TATDN3: variants seen among roughly 807,000 people sequenced by gnomAD.
TATDN3 encodes the protein TatD DNase domain containing 3.
TATDN3 carries 29 observed loss-of-function variants against 40.1 expected under a neutral mutation model. That is an observed-to-expected ratio of 0.72 (90% CI 0.54 to 0.99). The LOEUF (loss-of-function observed/expected upper bound fraction) is 0.99. Among genes scored for constraint, TATDN3 ranks in the 50% least tolerant of loss-of-function variants. The probability of loss-of-function intolerance (pLI) is 0.00; values close to 1 mark genes in which losing one functional copy is unlikely to be tolerated. For synonymous variants in TATDN3, 105 were observed against 117.0 expected (o/e 0.90, Z 0.66); for missense variants, 309 against 321.9 (o/e 0.96, Z 0.31).
At chr1:212,796,801 A>C in intron 3 of TATDN3, 1 of 482,568 alleles carries the variant, frequency 2.1e-6, no homozygotes, top group Non-Finnish European at 3.7e-6. Flanking sequence ...GCAGTGGCGC[A>C]ATGTTGGCTC....
chr1:212,799,036 A>G (rs973537828), intron 4 of TATDN3, among the ~76,000 whole-genome samples: 3 of 152,246 alleles, frequency 2.0e-5, no homozygotes, highest in African/African-American at 7.2e-5. Flanking sequence ...CCATGCAAAG[A>G]GAGGATCAGG....
intron 6 of TATDN3, 21 bp from the exon 7 acceptor site, chr1:212,804,575 A>G: frequency 6.2e-7 from 1 of 1,609,674 alleles, no homozygotes; most frequent in Non-Finnish European, 8.5e-7. Context: ...ACTTAAAAGA[A>G]ATGTTGTTAT....
Position 212,797,148 on chromosome 1 carries a change from T to C in TATDN3, c.210T>C (p.His70=), listed in dbSNP as rs1309320357. ...NGFVLPCLGV[H]PVQGLPPEDQ... is the part of the protein sequence containing the mutation. Reference sequence around the variant, plus strand: ...TTGTCCTGCCATGCTTGGGTGTTCATCCAGTTCAAGGACTTCCACCAGAAG... The same window carrying C: ...TTGTCCTGCCATGCTTGGGTGTTCACCCAGTTCAAGGACTTCCACCAGAAG... Residue 70 remains histidine (H), a synonymous_variant, in exon 4 of 10, where the codon CAT becomes CAC. Coordinates refer to ENST00000366974, the MANE Select transcript of TATDN3 (RefSeq NM_001042552.3). 4 of 1,614,014 alleles carry C rather than the reference T, an allele frequency of 2.5e-6. No individual in the cohort carries two copies. The Admixed American group carries it at 6.7e-5, about 27-fold the overall frequency.
At chr1:212,812,184 A>G (rs1662924783) in intron 8 of TATDN3, 64 bp from the exon 9 acceptor site, 1 of 1,049,444 alleles carries the variant, frequency 9.5e-7, no homozygotes, top group South Asian at 1.5e-5. Context: ...TTAGTATGTC[A>G]ATTTAATGCT....
Position 212,796,529 on chromosome 1 carries a change from G to T in TATDN3, c.112G>T (p.Ala38Ser). The stretch of plus-strand genomic sequence containing the variant: ...TTTTTTTTTTCAGGCCAATGTTGTG[G>T]CCCTTGTGGCAGTTGCCGAACATTC... ...LEKAKKANVV[A>S]LVAVAEHSGE... Residue 38 changes from alanine to serine, a missense_variant, in exon 3 of 10, where the codon GCC becomes TCC. Transcript: ENST00000366974. 3 of 1,548,236 alleles carry T rather than the reference G, an allele frequency of 1.9e-6. No homozygotes were observed. The highest frequency in any genetic ancestry group is 2.6e-6 in the Non-Finnish European group (3 of 1,151,960).
rs1454969931 is a variant in TATDN3 at position 212,794,927 on chromosome 1, TAGTAAG to T, written c.67-162_67-157del. The T allele has an allele frequency of 6.1e-6, 4 of 651,140 alleles. No homozygotes were observed. In the Admixed American group the frequency reaches 7.1e-5, roughly 11 times the overall value. The allele number at this position is 651,140 out of a possible 1,614,324, so 40.3% of individuals were successfully genotyped here. ...GGGAACAGTAGCCAGACTTTACTGA[TAGTAAG>T]AGTAAACAGGAAGTGGGTCAGTGTA... is the stretch of plus-strand genomic sequence containing the variant. On this transcript the variant is annotated intron_variant, in intron 1 of 9. Transcript: ENST00000366974.
chr1:212,801,516 T>G (rs1662176116), intron 4 of TATDN3, among the ~76,000 whole-genome samples: 1 of 152,216 alleles, frequency 6.6e-6, no homozygotes, highest in Non-Finnish European at 1.5e-5. Flanking sequence ...GTAATACATA[T>G]TCCAAGAGGC....
chr1:212,798,536 C>CAAAAAAAAAAAAAAAAAAA (rs11296428), intron 4 of TATDN3, among the ~76,000 whole-genome samples: 1 of 91,320 alleles, frequency 1.1e-5, no homozygotes, highest in Admixed American at 1.3e-4. Context: ...CTCAAAAACT[C>CAAAAAAAAAAAAAAAAAAA]AAAAAAAAAA....
At position 212,811,435 on chromosome 1, in the gene TATDN3, T is replaced by C. The variant is rs573970166; in HGVS notation, c.601-813T>C. On this transcript the variant is annotated intron_variant, in intron 8 of 9. Coordinates refer to ENST00000366974, the MANE Select transcript of TATDN3 (RefSeq NM_001042552.3). ...TGAGCCACCACCCCGGCTTAATTTTTGTATTCTCAGTAGAGATGGGGTTTT... is the reference window on the plus strand; with the variant it reads ...TGAGCCACCACCCCGGCTTAATTTTCGTATTCTCAGTAGAGATGGGGTTTT... 2.6e-5 allele frequency among the ~76,000 whole-genome samples: 4 copies of C among 152,070 alleles called. No individual in the cohort carries two copies. In the South Asian group the frequency reaches 8.3e-4, roughly 32 times the overall value.
chr1:212,805,573 AATC>A (rs1662411233), intron 7 of TATDN3, among the ~76,000 whole-genome samples: 1 of 152,164 alleles, frequency 6.6e-6, no homozygotes, highest in African/African-American at 2.4e-5. Context: ...CCAGTTTCTT[AATC>A]AGCTCAATCA....
chr1:212,804,548 A>T, intron 6 of TATDN3, 48 bp from the exon 7 acceptor site: 1 of 1,591,290 alleles, frequency 6.3e-7, no homozygotes, highest in Non-Finnish European at 8.6e-7. Context: ...GATCAAAAAC[A>T]ATACTTTCAG....
chr1:212,797,911 G>T (rs914865409), intron 4 of TATDN3, among the ~76,000 whole-genome samples: 27 of 152,160 alleles, frequency 1.8e-4, no homozygotes, highest in Non-Finnish European at 3.8e-4. Context: ...TCCTGACTCA[G>T]CATCAGGAAG....
chr1:212,815,401 C>G lies in TATDN3; in HGVS notation c.*245C>G. 1 of 404,188 alleles carries G rather than the reference C, an allele frequency of 2.5e-6. No individual in the cohort carries two copies. Among genetic ancestry groups the G allele is most frequent in the Non-Finnish European group, 4.4e-6 (1 of 227,872 alleles). The allele number at this position is 404,188 out of a possible 1,614,324, so 25.0% of individuals were successfully genotyped here. ...CTGGCAGGATATTGGGAAAATACTG[C>G]TACTTCTTACATTGCCCTTTTATAT... On this transcript the variant is annotated 3_prime_UTR_variant, in exon 10 of 10. Coordinates refer to ENST00000366974, the MANE Select transcript of TATDN3 (RefSeq NM_001042552.3).
At chr1:212,812,389 A>G (rs1662939786) in intron 9 of TATDN3, 61 bp downstream of exon 9, 3 of 916,068 alleles carry the variant, frequency 3.3e-6, no homozygotes, top group Admixed American at 2.6e-5. Context: ...GTTCTTTTCA[A>G]TTTAGCTGTA....
chr1:212,792,031 C>A, intron 1 of TATDN3, 44 bp downstream of exon 1: 1 of 1,587,300 alleles, frequency 6.3e-7, no homozygotes, highest in South Asian at 1.1e-5. Flanking sequence ...GGGAGGCCCC[C>A]GTCCTTTCCC....
chr1:212,806,838 ATATATACACATATATACATATG>A (rs1338797082), intron 7 of TATDN3, among the ~76,000 whole-genome samples: 6,486 of 44,454 alleles, frequency 0.15, 624 homozygotes, highest in African/African-American at 0.27. Context: ...ATATATATAC[ATATATACACATATATACATATG>A]TATATACACA....
At chr1:212,800,016 G>A (rs1435310925) in intron 4 of TATDN3, among the ~76,000 whole-genome samples, 2 of 152,202 alleles carry the variant, frequency 1.3e-5, no homozygotes, top group African/African-American at 4.8e-5. Context: ...AAAACAGGAA[G>A]TATGCCTCAT....
chr1:212,797,094 T>G lies in TATDN3; in HGVS notation c.174-18T>G, dbSNP rs777943578. The G allele has an allele frequency of 1.4e-5, 23 of 1,601,796 alleles. No individual in the cohort carries two copies. The highest frequency in any genetic ancestry group is 1.6e-4 in the Middle Eastern group (1 of 6,062). On this transcript the variant is annotated intron_variant, in intron 3 of 9. Coordinates refer to ENST00000366974, the MANE Select transcript of TATDN3 (RefSeq NM_001042552.3). ...TAGTCTACTGTTCCTGCTTTCTCAG[T>G]TGGTTCTACATTTTTAGGTATAATG...
At chr1:212,805,226 T>C (rs1249113230) in intron 7 of TATDN3, among the ~76,000 whole-genome samples, 2 of 150,260 alleles carry the variant, frequency 1.3e-5, no homozygotes, top group Admixed American at 1.3e-4. Flanking sequence ...CCTGCCAAAG[T>C]GCTGAGATTA....
Sources: allele counts gnomAD v4.1 joint callset (sites outside exome capture counted in the v4.1 genomes callset), GRCh38; gene constraint gnomAD v4.1.1; transcripts MANE v1.5; gene names NCBI Gene and HGNC (gene_info 2026-07-23, HGNC 2026-07-21).